Variants in BTRC observed in about 807,000 individuals in gnomAD.
BTRC encodes the protein F-box/WD repeat-containing protein 1A.
Under a neutral mutation model 85.5 loss-of-function variants are expected in BTRC, and 42 were observed. The ratio of observed to expected loss-of-function variants is 0.49; its 90% CI spans 0.38 to 0.64. BTRC has a LOEUF of 0.64. Ranked by LOEUF, BTRC falls within the 30% of genes least tolerant of loss-of-function variation. The pLI, the probability that BTRC is intolerant of heterozygous loss-of-function variation, is 0.00. For synonymous variants in BTRC, 255 were observed against 263.3 expected, an observed-to-expected ratio of 0.97 and a Z score of 0.30; for missense variants, 594 against 743.5, an observed-to-expected ratio of 0.80 and a Z score of 2.34.
chr10:101,395,482 A>G (rs1209414346), intron 1 of BTRC, among the ~76,000 whole-genome samples: 1 of 152,172 alleles, frequency 6.6e-6, no homozygotes, highest in African/African-American at 2.4e-5. Flanking sequence ...ATTCTAAAGA[A>G]AAGACCTTGA....
At chr10:101,473,424 C>T (rs563967530) in intron 3 of BTRC, among the ~76,000 whole-genome samples, 21 of 150,502 alleles carry the variant, frequency 1.4e-4, no homozygotes, top group Non-Finnish European at 2.8e-4. Flanking sequence ...GCTGGGACTA[C>T]AGGTGTGCAC....
At chr10:101,444,958 T>TTA (rs927762144) in intron 2 of BTRC, among the ~76,000 whole-genome samples, 1 of 152,112 alleles carries the variant, frequency 6.6e-6, no homozygotes, top group Non-Finnish European at 1.5e-5. Context: ...GGCCTTGAGG[T>TTA]TATAGGGGCT....
intron 2 of BTRC, among the ~76,000 whole-genome samples, chr10:101,440,225 T>C (rs890150585): frequency 1.3e-5 from 2 of 152,028 alleles, no homozygotes; most frequent in African/African-American, 2.4e-5. Flanking sequence ...AAATTACATC[T>C]TTTTTTTCAA....
At chr10:101,389,146 T>TTTTTTTTTTC (rs1943170630) in intron 1 of BTRC, among the ~76,000 whole-genome samples, 2 of 141,212 alleles carry the variant, frequency 1.4e-5, no homozygotes, top group Non-Finnish European at 1.5e-5. Context: ...TTTTTTTTTT[T>TTTTTTTTTTC]TTGCTGATCT....
At chr10:101,472,285 T>C (rs1945549147) in intron 3 of BTRC, among the ~76,000 whole-genome samples, 1 of 140,304 alleles carries the variant, frequency 7.1e-6, no homozygotes, top group Non-Finnish European at 1.5e-5. Flanking sequence ...CTCTCTTCTC[T>C]TCTCTTCTCT....
At chr10:101,513,203 T>C (rs1044116629) in intron 4 of BTRC, among the ~76,000 whole-genome samples, 35 of 152,214 alleles carry the variant, frequency 2.3e-4, no homozygotes, top group Non-Finnish European at 4.1e-4. Flanking sequence ...TTTAGATTTC[T>C]CTACAAACAT....
chr10:101,383,716 G>A (rs986964126), intron 1 of BTRC, among the ~76,000 whole-genome samples: 2 of 152,098 alleles, frequency 1.3e-5, no homozygotes, highest in Non-Finnish European at 2.9e-5. Context: ...AGAATAATAT[G>A]GATATAGTAT....
intron 1 of BTRC, among the ~76,000 whole-genome samples, chr10:101,398,444 A>G (rs1355233424): frequency 6.6e-6 from 1 of 152,012 alleles, no homozygotes; most frequent in Non-Finnish European, 1.5e-5. Context: ...CTGGGACTAC[A>G]GGTGCCCGAC....
chr10:101,509,692 A>G (rs1296059620), intron 4 of BTRC, among the ~76,000 whole-genome samples: 1 of 149,132 alleles, frequency 6.7e-6, no homozygotes, highest in East Asian at 2.0e-4. Context: ...AACTGAGACT[A>G]CAGGCATGCA....
At chr10:101,354,797 C>T (rs1175409438) in intron 1 of BTRC, among the ~76,000 whole-genome samples, 1 of 151,984 alleles carries the variant, frequency 6.6e-6, no homozygotes, top group Non-Finnish European at 1.5e-5. Flanking sequence ...ATAGCCTTTG[C>T]CTTGAGGGTG....
rs1272925657 is a variant in BTRC, at chr10:101,389,117, GTGTTTTTTT to G, written c.48+34891_48+34899del. 1.4e-3 allele frequency among the ~76,000 whole-genome samples: 74 copies of G among 53,046 alleles called. 2 individuals are homozygous for G. Among genetic ancestry groups the G allele is most frequent in the African/African-American group, 4.7e-3 (60 of 12,870 alleles). 34.8% of individuals were successfully genotyped at this position (53,046 alleles called of 152,430 possible). On this transcript the variant is annotated intron_variant, in intron 1 of 14. Coordinates refer to ENST00000370187, the MANE Select transcript of BTRC (RefSeq NM_033637.4). ...GTTGCATAATTGTGATTTTTTGTGT[GTGTTTTTTT>G]TTTTTTTTTTTTTTTTTTTTTTGCT...
At chr10:101,478,226 G>T (rs1945741664) in intron 3 of BTRC, among the ~76,000 whole-genome samples, 1 of 151,792 alleles carries the variant, frequency 6.6e-6, no homozygotes, top group South Asian at 2.1e-4. Context: ...ACTTGAACCT[G>T]GGAGGCGGAG....
At chr10:101,460,707 A>G (rs1269961982) in intron 2 of BTRC, among the ~76,000 whole-genome samples, 1 of 152,184 alleles carries the variant, frequency 6.6e-6, no homozygotes, top group African/African-American at 2.4e-5. Flanking sequence ...GTAATATCTA[A>G]TAGAAACCAA....
At chr10:101,511,851 A>G (rs754209642) in intron 4 of BTRC, among the ~76,000 whole-genome samples, 6 of 152,020 alleles carry the variant, frequency 3.9e-5, no homozygotes, top group Non-Finnish European at 8.8e-5. Context: ...AAGTTTCACT[A>G]TGTTGACCAG....
At chr10:101,355,522 A>G (rs916618480) in intron 1 of BTRC, among the ~76,000 whole-genome samples, 5 of 152,220 alleles carry the variant, frequency 3.3e-5, no homozygotes, top group African/African-American at 1.2e-4. Flanking sequence ...CAACTAAAGA[A>G]TGATGGAATG....
At chr10:101,385,618 C>CT (rs36030307) in intron 1 of BTRC, among the ~76,000 whole-genome samples, 27,205 of 79,756 alleles carry the variant, frequency 0.34, 5,588 homozygotes, top group Middle Eastern at 0.51. Flanking sequence ...TCTTCTTCTT[C>CT]TTTTTTTTTT....
intron 1 of BTRC, among the ~76,000 whole-genome samples, chr10:101,404,030 ATT>A (rs1160307747): frequency 3.9e-5 from 1 of 25,434 alleles, no homozygotes; most frequent in African/African-American, 1.9e-4. Flanking sequence ...ATATATATAT[ATT>A]TTTTTTTTTT....
At chr10:101,401,342 T>C (rs1314262453) in intron 1 of BTRC, among the ~76,000 whole-genome samples, 3 of 152,056 alleles carry the variant, frequency 2.0e-5, no homozygotes, top group Admixed American at 6.6e-5. Context: ...TGGCAAAGAG[T>C]GTAAGTGAAC....
intron 2 of BTRC, among the ~76,000 whole-genome samples, chr10:101,438,372 C>G (rs1346179412): frequency 1.6e-5 from 2 of 128,774 alleles, no homozygotes; most frequent in Non-Finnish European, 3.1e-5. Context: ...TTGCAGTGAG[C>G]CGAGATCGCG....
Sources: gnomAD v4.1 joint callset for allele counts (sites outside exome capture counted in the v4.1 genomes callset) on GRCh38, gnomAD v4.1.1 for gene constraint, MANE v1.5 for transcripts, NCBI Gene and HGNC (gene_info 2026-07-23, HGNC 2026-07-21) for gene names.